Variants in WASF1 observed in about 807,000 individuals in gnomAD.
WASF1 encodes the protein actin-binding protein WASF1.
In WASF1, 7 loss-of-function variants were observed where a neutral mutation model predicts 50.5. The ratio of observed to expected loss-of-function variants is 0.14; its 90% confidence interval spans 0.08 to 0.26. The LOEUF (loss-of-function observed/expected upper bound fraction) is 0.26, where lower values mean the gene tolerates loss of function less well. Among genes scored for constraint, WASF1 ranks in the 10% least tolerant of loss-of-function variants. WASF1 has a pLI of 1.00. For missense variants in WASF1, 470 were observed against 694.7 expected, an observed-to-expected ratio of 0.68 and a Z score of 3.64; for synonymous variants, 205 against 244.0, an observed-to-expected ratio of 0.84 and a Z score of 1.49.
At chr6:110,159,590 A>G (rs1776178200) in intron 3 of WASF1, among the ~76,000 whole-genome samples, 1 of 151,880 alleles carries the variant, frequency 6.6e-6, no homozygotes, top group Non-Finnish European at 1.5e-5. Context: ...CCAAATAAAT[A>G]TCACTATTCA....
chr6:110,138,598 G>C (rs568130413), intron 3 of WASF1, among the ~76,000 whole-genome samples: 1 of 152,332 alleles, frequency 6.6e-6, no homozygotes, highest in African/African-American at 2.4e-5. Flanking sequence ...ATCCCAATGA[G>C]TGTCCAGCTC....
intron 5 of WASF1, among the ~76,000 whole-genome samples, chr6:110,110,787 C>T (rs1392627620): frequency 6.6e-6 from 1 of 151,726 alleles, no homozygotes; most frequent in East Asian, 1.9e-4. Flanking sequence ...AAAACTGATA[C>T]CACACTGTGC....
At chr6:110,161,583 T>C (rs994853358) in intron 2 of WASF1, among the ~76,000 whole-genome samples, 195 of 151,746 alleles carry the variant, frequency 1.3e-3, no homozygotes, top group African/African-American at 4.6e-3. Context: ...TTTATCGCAC[T>C]GTATTATGTT....
intron 3 of WASF1, among the ~76,000 whole-genome samples, chr6:110,134,334 T>C (rs1275158622): frequency 6.6e-6 from 1 of 152,176 alleles, no homozygotes; most frequent in Non-Finnish European, 1.5e-5. Flanking sequence ...CCACTTTATG[T>C]TTTCATTTGT....
intron 9 of WASF1, among the ~76,000 whole-genome samples, chr6:110,102,538 T>TA (rs1457709734): frequency 1.3e-5 from 2 of 152,222 alleles, no homozygotes; most frequent in Non-Finnish European, 2.9e-5. Flanking sequence ...CAGGAGTCTC[T>TA]ATAATGACTC....
chr6:110,122,226 A>T (rs1363373555), intron 4 of WASF1, among the ~76,000 whole-genome samples: 1 of 149,320 alleles, frequency 6.7e-6, no homozygotes, highest in African/African-American at 2.5e-5. Flanking sequence ...CTCCGATTTT[A>T]AAAAATGGAA....
intron 5 of WASF1, among the ~76,000 whole-genome samples, chr6:110,109,247 C>A (rs1244583869): frequency 1.3e-5 from 2 of 152,124 alleles, no homozygotes; most frequent in African/African-American, 4.8e-5. Flanking sequence ...TTTCACTTAT[C>A]TTTTATCTGT....
At chr6:110,138,708 GT>G (rs1562177491) in intron 3 of WASF1, among the ~76,000 whole-genome samples, 1 of 152,190 alleles carries the variant, frequency 6.6e-6, no homozygotes, top group East Asian at 1.9e-4. Flanking sequence ...CCTGCAGCTA[GT>G]AGTCCCAATG....
At chr6:110,115,582 G>C (rs1773768403) in intron 4 of WASF1, among the ~76,000 whole-genome samples, 2 of 152,264 alleles carry the variant, frequency 1.3e-5, no homozygotes, top group African/African-American at 4.8e-5. Flanking sequence ...GTGTCAAAGT[G>C]GTCCACTTGC....
At chr6:110,144,462 G>A (rs1417711112) in intron 3 of WASF1, among the ~76,000 whole-genome samples, 1 of 152,134 alleles carries the variant, frequency 6.6e-6, no homozygotes, top group African/African-American at 2.4e-5. Flanking sequence ...AAGCTCTTTA[G>A]TTTCATTAGA....
intron 3 of WASF1, among the ~76,000 whole-genome samples, chr6:110,128,005 G>A (rs920055502): frequency 4.6e-5 from 7 of 151,840 alleles, no homozygotes; most frequent in African/African-American, 1.2e-4. Context: ...TTATGTTCTC[G>A]GTAAGGCTTC....
chr6:110,108,204 G>A (rs919377063), intron 6 of WASF1, among the ~76,000 whole-genome samples: 2 of 149,316 alleles, frequency 1.3e-5, no homozygotes, highest in South Asian at 4.2e-4. Context: ...TTTGTTAGTA[G>A]GACAGAATTT....
chr6:110,135,827 T>A (rs1410142999), intron 3 of WASF1, among the ~76,000 whole-genome samples: 2 of 148,518 alleles, frequency 1.3e-5, no homozygotes, highest in Non-Finnish European at 3.0e-5. Context: ...GGTTTGTTAA[T>A]ATAATTAGTT....
At chr6:110,173,755 G>A (rs972634315) in intron 2 of WASF1, among the ~76,000 whole-genome samples, 3 of 152,162 alleles carry the variant, frequency 2.0e-5, no homozygotes, top group Non-Finnish European at 4.4e-5. Context: ...CACAGGGCAA[G>A]AAACAAGGCC....
In WASF1 at chr6:110,175,797, T is replaced by C. The variant is rs1343524112; in HGVS notation, c.-127+2801A>G. Among the ~76,000 whole-genome samples, 5 of 152,176 alleles carry C rather than the reference T, an allele frequency of 3.3e-5. No individual in the cohort carries two copies. In the East Asian group the frequency reaches 9.6e-4, roughly 29 times the overall value. On this transcript the variant is annotated intron_variant, in intron 2 of 10. Coordinates refer to ENST00000392589, the MANE Select transcript of WASF1 (RefSeq NM_003931.3). Reference sequence around the variant, plus strand: ...GAAAGAGAACAAGTTCCTAATAATGTTGTCATGTCTAACACAAGAGTTACA... The same window carrying C: ...GAAAGAGAACAAGTTCCTAATAATGCTGTCATGTCTAACACAAGAGTTACA...
chr6:110,144,989 T>C (rs1775477489), intron 3 of WASF1, among the ~76,000 whole-genome samples: 1 of 152,200 alleles, frequency 6.6e-6, no homozygotes, highest in African/African-American at 2.4e-5. Flanking sequence ...TTTCCAATTC[T>C]GTGAAGAAAG....
At chr6:110,149,205 C>T (rs1485016320) in intron 3 of WASF1, among the ~76,000 whole-genome samples, 2 of 151,626 alleles carry the variant, frequency 1.3e-5, no homozygotes, top group East Asian at 1.9e-4. Flanking sequence ...CCTTTTTTTC[C>T]CCCTTTCATT....
chr6:110,167,752 T>A (rs187463544), intron 2 of WASF1, among the ~76,000 whole-genome samples: 1 of 152,078 alleles, frequency 6.6e-6, no homozygotes, highest in African/African-American at 2.4e-5. Context: ...AAAAACAAAT[T>A]CAAATAGAAA....
chr6:110,126,116 A>C (rs1419834697), intron 4 of WASF1, among the ~76,000 whole-genome samples: 1 of 152,194 alleles, frequency 6.6e-6, no homozygotes, highest in East Asian at 1.9e-4. Context: ...GCATGCTTAT[A>C]TACTTATGTA....
Sources: gnomAD v4.1 joint callset for allele counts (sites outside exome capture counted in the v4.1 genomes callset) on GRCh38, gnomAD v4.1.1 for gene constraint, MANE v1.5 for transcripts, NCBI Gene and HGNC (gene_info 2026-07-23, HGNC 2026-07-21) for gene names.